Variants in KDM5A observed in about 807,000 individuals in gnomAD.
The protein encoded by KDM5A is lysine-specific demethylase 5A.
Under a neutral mutation model 193.5 loss-of-function variants are expected in KDM5A, and 42 were observed. The observed-to-expected ratio is 0.22, with a 90% confidence interval of 0.17 to 0.28. The LOEUF (loss-of-function observed/expected upper bound fraction) is 0.28, where lower values mean the gene tolerates loss of function less well. KDM5A is among the 10% of genes least tolerant of loss of function. KDM5A has a pLI of 1.00. For missense variants in KDM5A, 1,692 were observed against 2,055.1 expected, an observed-to-expected ratio of 0.82 and a Z score of 3.42; for synonymous variants, 796 against 718.1, an observed-to-expected ratio of 1.11 and a Z score of -1.73.
intron 24 of KDM5A, among the ~76,000 whole-genome samples, chr12:303,230 C>G (rs1378737973): frequency 6.6e-6 from 1 of 152,182 alleles, no homozygotes; most frequent in Non-Finnish European, 1.5e-5. Context: ...TACTGCAGTG[C>G]TGTTCACAAC....
chr12:382,167 C>T (rs1944582330), intron 3 of KDM5A, among the ~76,000 whole-genome samples: 4 of 152,172 alleles, frequency 2.6e-5, no homozygotes, highest in Admixed American at 2.0e-4. Context: ...CATGGTGGCT[C>T]ACGCCTGTAA....
At chr12:387,256 C>T (rs1488088327) in intron 1 of KDM5A, 4 of 359,264 alleles carry the variant, frequency 1.1e-5, no homozygotes, top group Non-Finnish European at 2.1e-5. Flanking sequence ...ACCTTGGAAA[C>T]TGAAGAAATC....
chr12:307,119 G>A lies in KDM5A; in HGVS notation c.3931-30C>T, dbSNP rs2137387070. 6.2e-7 allele frequency: 1 copy of A among 1,613,540 alleles called. No individual in the cohort carries two copies. Among genetic ancestry groups the A allele is most frequent in the Non-Finnish European group, 8.5e-7 (1 of 1,179,592 alleles). ...ACAACAAATAATTCCAAGATGAACAGCAAGACATGCTAAACAGACAGGGTA... is the reference window on the plus strand; with the variant it reads ...ACAACAAATAATTCCAAGATGAACAACAAGACATGCTAAACAGACAGGGTA... On this transcript the variant is annotated intron_variant, in intron 23 of 27. Transcript: ENST00000399788. The surrounding 1 kb of genome is among the most constrained non-coding windows in gnomAD (Gnocchi z 4.3).
Position 309,949 on chromosome 12 carries a change from T to A in KDM5A, c.3232A>T (p.Thr1078Ser). The A allele has an allele frequency of 6.2e-7, 1 of 1,613,506 alleles. No individual in the cohort carries two copies. Among genetic ancestry groups the A allele is most frequent in the East Asian group, 2.2e-5 (1 of 44,870 alleles). The change falls in exon 22 of 28, where the codon ACC becomes TCC. Residue 1078 changes from threonine (T) to serine (S), a missense_variant. Thr to Ser is a moderately conservative substitution (Grantham distance 58). This residue lies in a region of KDM5A where 965 missense variants were observed against 1,061.0 expected (regional missense o/e 0.91). Transcript: ENST00000399788. ...HTLLQVLSPRTDIGVYGSGKN... is the reference protein window; with the variant it reads ...HTLLQVLSPRSDIGVYGSGKN... ...CCACTCCCATATACACCAATGTCGG[T>A]CCGGGGGCTCAGCACCTACAAAAAT... is the stretch of plus-strand genomic sequence containing the variant.
intron 27 of KDM5A, among the ~76,000 whole-genome samples, chr12:289,907 C>CTTTTTTTTTT (rs750918968): frequency 3.0e-5 from 3 of 99,642 alleles, no homozygotes; most frequent in East Asian, 4.4e-4. Flanking sequence ...TTCTTTCTTT[C>CTTTTTTTTTT]TTTTTTTTTT....
Position 389,277 on chromosome 12 carries a change from T to C in KDM5A, c.-186A>G. 2.8e-6 allele frequency: 2 copies of C among 723,466 alleles called. No homozygotes were observed. Among genetic ancestry groups the C allele is most frequent in the South Asian group, 1.5e-5 (1 of 67,420 alleles). The allele number at this position is 723,466 out of a possible 1,614,324, so 44.8% of individuals were successfully genotyped here. On this transcript the variant is annotated 5_prime_UTR_variant, in exon 1 of 28. Coordinates refer to ENST00000399788, the MANE Select transcript of KDM5A (RefSeq NM_001042603.3). Reference sequence around the variant, plus strand: ...GTTTGTTATTGTTTCTTGCAAGGCTTTTCCACTGAGGTTCAGGACTTTTCC... The same window carrying C: ...GTTTGTTATTGTTTCTTGCAAGGCTCTTCCACTGAGGTTCAGGACTTTTCC...
chr12:354,461 A>G (rs952302420), intron 7 of KDM5A, among the ~76,000 whole-genome samples: 1 of 152,168 alleles, frequency 6.6e-6, no homozygotes, highest in Admixed American at 6.6e-5. Context: ...ATAAAGGTGT[A>G]TCAAGTTGTT....
rs200880570 is a variant in KDM5A at position 323,071 on chromosome 12, G to A, written c.2275+11C>T. ...AATTCAGTATATGCATACAAAAGAAGGAAATTTAACCTTTTTTGTGGTTGA... is the reference window on the plus strand; with the variant it reads ...AATTCAGTATATGCATACAAAAGAAAGAAATTTAACCTTTTTTGTGGTTGA... On this transcript the variant is annotated intron_variant, in intron 16 of 27. Coordinates refer to ENST00000399788, the MANE Select transcript of KDM5A (RefSeq NM_001042603.3). 2.1e-4 allele frequency: 336 copies of A among 1,613,316 alleles called. No homozygotes were observed. Among genetic ancestry groups the A allele is most frequent in the Middle Eastern group, 6.6e-4 (4 of 6,020 alleles).
chr12:310,565 C>T (rs893604145), intron 21 of KDM5A, among the ~76,000 whole-genome samples: 1 of 152,046 alleles, frequency 6.6e-6, no homozygotes, highest in African/African-American at 2.4e-5. Flanking sequence ...GCCCAGGAGG[C>T]GACAGCTGCA....
chr12:291,858 A>C (rs909215425), intron 27 of KDM5A, among the ~76,000 whole-genome samples: 3 of 151,722 alleles, frequency 2.0e-5, no homozygotes, highest in Admixed American at 1.3e-4. Flanking sequence ...CCATAAGAGA[A>C]TTACTATACT....
chr12:309,756 AG>A, intron 22 of KDM5A, 46 bp downstream of exon 22: 1 of 1,593,654 alleles, frequency 6.3e-7, no homozygotes, highest in Non-Finnish European at 8.6e-7. Flanking sequence ...ATCTCTACAG[AG>A]TTTTGTATTC....
At position 333,567 on chromosome 12, in the gene KDM5A, A is replaced by G; in HGVS notation, c.1573T>C (p.Leu525=). The G allele has an allele frequency of 6.2e-7, 1 of 1,614,102 alleles. No individual in the cohort carries two copies. The highest frequency in any genetic ancestry group is 8.5e-7 in the Non-Finnish European group (1 of 1,180,006). ...EEVMRELAPE[L]FESQPDLLHQ... ...AGAAGATCAGGCTGGGATTCAAATA[A>G]CTCGGGGGCCAGCTCTCTCATCACC... The change falls in exon 12 of 28, where the codon TTA becomes CTA. Residue 525 remains leucine, a synonymous_variant. Transcript: ENST00000399788.
At chr12:326,144 T>C (rs1255347868) in intron 14 of KDM5A, among the ~76,000 whole-genome samples, 1 of 152,258 alleles carries the variant, frequency 6.6e-6, no homozygotes, top group Non-Finnish European at 1.5e-5. Flanking sequence ...GGAGATTTTC[T>C]ATTTCAGATG....
Position 307,989 on chromosome 12 carries a change from T to C in KDM5A, c.3395A>G (p.Glu1132Gly), listed in dbSNP as rs1284733924. The C allele has an allele frequency of 1.2e-6, 2 of 1,613,988 alleles. No homozygotes were observed. Among genetic ancestry groups the C allele is most frequent in the African/African-American group, 1.3e-5 (1 of 74,932 alleles). Residue 1132 changes from glutamate to glycine, a missense_variant, in exon 23 of 28, where the codon GAA becomes GGA. Glu to Gly is a moderately conservative substitution (Grantham distance 98). Transcript: ENST00000399788. The surrounding 1 kb of genome is among the most constrained non-coding windows in gnomAD (Gnocchi z 4.3). The stretch of plus-strand genomic sequence containing the variant: ...GGCTTCAATCTCTTTTTGCTCCCGT[T>C]CTTTGAAAACTGCCACCTGTACAAG... The part of the protein sequence containing the change: ...DTAMVVAVFK[E>G]REQKEIEAMH...
intron 5 of KDM5A, among the ~76,000 whole-genome samples, chr12:359,857 G>C (rs572730308): frequency 6.6e-6 from 1 of 150,924 alleles, no homozygotes; most frequent in Non-Finnish European, 1.5e-5. Flanking sequence ...AGGGAGGGAG[G>C]AAACAAGGAA....
Position 388,909 on chromosome 12 carries a change from C to T in KDM5A, c.165+18G>A, listed in dbSNP as rs2137507447. 1.2e-6 allele frequency: 2 copies of T among 1,614,136 alleles called. No homozygotes were observed. Among genetic ancestry groups the T allele is most frequent in the Non-Finnish European group, 1.7e-6 (2 of 1,179,956 alleles). The stretch of plus-strand genomic sequence containing the variant: ...CCCATTCTTCCTTCTCCCCCTCTCT[C>T]TTCACAGACTGAGGTACCTTGGGCG... On this transcript the variant is annotated intron_variant, in intron 1 of 27. Transcript: ENST00000399788.
At chr12:294,888 T>C (rs1943349550) in intron 26 of KDM5A, among the ~76,000 whole-genome samples, 1 of 152,204 alleles carries the variant, frequency 6.6e-6, no homozygotes, top group Non-Finnish European at 1.5e-5. Context: ...TTCAAGACAG[T>C]GGTGAGGACC....
At chr12:378,718 G>A (rs1397376589) in intron 3 of KDM5A, among the ~76,000 whole-genome samples, 1 of 152,156 alleles carries the variant, frequency 6.6e-6, no homozygotes, top group Non-Finnish European at 1.5e-5. Context: ...CAGCACTTTG[G>A]GAGGCCAAGG....
chr12:314,875 G>T (rs765720140), intron 19 of KDM5A, among the ~76,000 whole-genome samples: 1 of 152,158 alleles, frequency 6.6e-6, no homozygotes, highest in Admixed American at 6.5e-5. Flanking sequence ...AGGAAGAATA[G>T]CAAGAGATAA....
Sources: gnomAD v4.1 joint callset for allele counts (sites outside exome capture counted in the v4.1 genomes callset) on GRCh38, gnomAD v4.1.1 for gene constraint, gnomAD v4.1.1 regional missense constraint, Gnocchi (gnomAD v3.1) non-coding constraint, MANE v1.5 for transcripts, NCBI Gene and HGNC (gene_info 2026-07-23, HGNC 2026-07-21) for gene names.